WDPCP: variants seen among roughly 807,000 people sequenced by gnomAD.
WDPCP encodes the protein WD repeat containing planar cell polarity effector.
A neutral mutation model predicts 93.1 loss-of-function variants in WDPCP; 71 were observed. That is an observed-to-expected ratio of 0.76 (90% CI 0.63 to 0.93). The LOEUF is 0.93. Among genes scored for constraint, WDPCP ranks in the 40% least tolerant of loss-of-function variants. The pLI is 0.00. For synonymous variants in WDPCP, 315 were observed against 315.0 expected (o/e 1.00, Z 0.00); for missense variants, 844 against 887.4 (o/e 0.95, Z 0.62).
intron 3 of WDPCP, among the ~76,000 whole-genome samples, chr2:63,633,608 A>C (rs945473400): frequency 2.6e-5 from 4 of 152,214 alleles, no homozygotes; most frequent in Non-Finnish European, 4.4e-5. Context: ...AAAGATAAAC[A>C]GAAAAAAATC....
chr2:63,604,485 G>C (rs1709489654), intron 3 of WDPCP, among the ~76,000 whole-genome samples: 1 of 152,146 alleles, frequency 6.6e-6, no homozygotes, highest in Non-Finnish European at 1.5e-5. Flanking sequence ...TACTCCATAA[G>C]GTTTCAAGTC....
chr2:63,583,096 A>C lies in WDPCP; in HGVS notation c.75+5101T>G, dbSNP rs1344205229. Among the ~76,000 whole-genome samples the C allele has an allele frequency of 2.0e-5, 3 of 152,224 alleles. No homozygotes were observed. The East Asian group carries it at 5.8e-4, about 29-fold the overall frequency. ...ACGATGATGTTGTATGGGGCTCATA[A>C]CATGTAAAAGTAAAGTGGTCAGGAA... On this transcript the variant is annotated intron_variant, in intron 1 of 17. Transcript: ENST00000272321.
chr2:63,543,099 T>C (rs1704867728), intron 1 of WDPCP, among the ~76,000 whole-genome samples: 2 of 152,194 alleles, frequency 1.3e-5, no homozygotes, highest in Non-Finnish European at 2.9e-5. Context: ...CCAAAAATGC[T>C]GTGATTTTTG....
chr2:63,328,190 G>A (rs898710672), intron 12 of WDPCP, among the ~76,000 whole-genome samples: 36 of 48,146 alleles, frequency 7.5e-4, no homozygotes, highest in African/African-American at 3.8e-3. Flanking sequence ...TAAGCACTCC[G>A]TCAAAACGGA....
At chr2:63,381,438 G>T (rs1188936377) in intron 11 of WDPCP, among the ~76,000 whole-genome samples, 1 of 152,048 alleles carries the variant, frequency 6.6e-6, no homozygotes, top group East Asian at 1.9e-4. Flanking sequence ...AGCGGCCTGG[G>T]CTACAATTCA....
intron 13 of WDPCP, among the ~76,000 whole-genome samples, chr2:63,273,959 CA>C (rs766001859): frequency 1.3e-5 from 2 of 152,046 alleles, no homozygotes; most frequent in East Asian, 3.9e-4. Context: ...AGAAAATTAA[CA>C]AAGAAACATT....
At chr2:63,382,845 G>A in intron 10 of WDPCP, among the ~76,000 whole-genome samples, 1 of 152,144 alleles carries the variant, frequency 6.6e-6, no homozygotes, top group East Asian at 1.9e-4. Context: ...ATACTAAGCA[G>A]TAAAACTTTA....
chr2:63,169,644 T>C (rs1382447118), intron 15 of WDPCP, among the ~76,000 whole-genome samples: 2 of 152,160 alleles, frequency 1.3e-5, no homozygotes, highest in East Asian at 1.9e-4. Context: ...TAGTTTCAAG[T>C]ATCTGTTACA....
At chr2:63,405,532 A>AGTGTGC (rs1318629602) in intron 9 of WDPCP, among the ~76,000 whole-genome samples, 9 of 124,926 alleles carry the variant, frequency 7.2e-5, no homozygotes, top group African/African-American at 1.9e-4. Flanking sequence ...ATTTTGGTAT[A>AGTGTGC]GTGTGTGTGT....
chr2:63,495,559 A>G (rs1157036312), intron 1 of WDPCP, among the ~76,000 whole-genome samples: 1 of 152,214 alleles, frequency 6.6e-6, no homozygotes, highest in Non-Finnish European at 1.5e-5. Context: ...GCATCTATTT[A>G]GCTTAATGTG....
intron 3 of WDPCP, among the ~76,000 whole-genome samples, chr2:63,615,847 TCTTA>T (rs1709666505): frequency 6.6e-6 from 1 of 152,204 alleles, no homozygotes; most frequent in South Asian, 2.1e-4. Context: ...ATGCTTCTTC[TCTTA>T]CTTTGTGGCC....
At chr2:63,635,993 A>G (rs1709916271) in intron 3 of WDPCP, among the ~76,000 whole-genome samples, 1 of 152,244 alleles carries the variant, frequency 6.6e-6, no homozygotes, top group Non-Finnish European at 1.5e-5. Flanking sequence ...GAAGTAATCA[A>G]CAAATGAAAT....
chr2:63,334,991 CAA>C (rs1434914290), intron 12 of WDPCP, among the ~76,000 whole-genome samples: 1 of 152,124 alleles, frequency 6.6e-6, no homozygotes, highest in Non-Finnish European at 1.5e-5. Context: ...GGACATAACT[CAA>C]AGTCATCCCT....
intron 14 of WDPCP, among the ~76,000 whole-genome samples, chr2:63,207,245 CTG>C (rs1676410810): frequency 6.6e-6 from 1 of 152,174 alleles, no homozygotes; most frequent in Admixed American, 6.5e-5. Context: ...TATGGTTTGA[CTG>C]TGTGTCCTCA....
intron 2 of WDPCP, among the ~76,000 whole-genome samples, chr2:63,674,436 T>C (rs567803545): frequency 2.0e-5 from 3 of 152,278 alleles, no homozygotes; most frequent in East Asian, 1.9e-4. Flanking sequence ...CTAAGTGAAA[T>C]AAGCCAGGCA....
At chr2:63,191,705 G>C (rs1043190920) in intron 14 of WDPCP, among the ~76,000 whole-genome samples, 1 of 152,068 alleles carries the variant, frequency 6.6e-6, no homozygotes, top group African/African-American at 2.4e-5. Flanking sequence ...TACTTCTAAA[G>C]GCATCAAACT....
At chr2:63,575,526 C>T (rs1708031007) in intron 1 of WDPCP, among the ~76,000 whole-genome samples, 1 of 142,034 alleles carries the variant, frequency 7.0e-6, no homozygotes, top group Non-Finnish European at 1.5e-5. Flanking sequence ...ATAGTATATA[C>T]AGTATATACA....
chr2:63,318,963 A>T (rs1335474474), intron 12 of WDPCP, among the ~76,000 whole-genome samples: 6 of 152,188 alleles, frequency 3.9e-5, no homozygotes, highest in African/African-American at 1.4e-4. Context: ...CATAAAGTTT[A>T]AAAAAAGAAA....
Position 63,479,809 on chromosome 2 carries a change from C to G in WDPCP, c.384+4795G>C, listed in dbSNP as rs144985126. Among the ~76,000 whole-genome samples the G allele has an allele frequency of 1.3e-3, 202 of 151,998 alleles. 2 individuals carry two copies. Among genetic ancestry groups the G allele is most frequent in the African/African-American group, 4.4e-3 (182 of 41,476 alleles). ...TCAACATAGTACTGGAAGTCCCAGC[C>G]AGAGCTGGAACAAGACAAGGATGCT... On this transcript the variant is annotated intron_variant, in intron 6 of 17. Coordinates refer to ENST00000272321, the MANE Select transcript of WDPCP (RefSeq NM_015910.7).
Sources: gnomAD v4.1 joint callset for allele counts (sites outside exome capture counted in the v4.1 genomes callset) on GRCh38, gnomAD v4.1.1 for gene constraint, MANE v1.5 for transcripts, NCBI Gene and HGNC (gene_info 2026-07-23, HGNC 2026-07-21) for gene names.